The following BCAR3 variants were observed in gnomAD, a reference collection of about 807,000 sequenced individuals.
BCAR3 encodes the protein breast cancer anti-estrogen resistance protein 3.
A neutral mutation model predicts 80.1 loss-of-function variants in BCAR3; 37 were observed. The observed-to-expected ratio is 0.46, with a 90% confidence interval of 0.36 to 0.61. BCAR3 has a LOEUF of 0.61. BCAR3 is among the 20% of genes least tolerant of loss of function. The pLI is 0.00. For missense variants in BCAR3, 978 were observed against 1,068.2 expected (o/e 0.92, Z 1.18); for synonymous variants, 389 against 418.9 (o/e 0.93, Z 0.87).
chr1:93,683,761 G>A (rs1648882623), upstream of BCAR3, among the ~76,000 whole-genome samples: 1 of 152,234 alleles, frequency 6.6e-6, no homozygotes, highest in Non-Finnish European at 1.5e-5. Context: ...AGTGAAGACA[G>A]TGGTTATATT....
chr1:93,750,569 G>A (rs1651524558), intron 2 of BCAR3, among the ~76,000 whole-genome samples: 3 of 152,194 alleles, frequency 2.0e-5, no homozygotes. Context: ...CCAACAGAAT[G>A]CCACAACTTT....
At chr1:93,695,583 C>T (rs1649360072) in intron 3 of BCAR3, among the ~76,000 whole-genome samples, 1 of 152,218 alleles carries the variant, frequency 6.6e-6, no homozygotes, top group South Asian at 2.1e-4. Context: ...TTAAGCTGCT[C>T]AAGTTTCCCT....
chr1:93,589,389 C>T lies in BCAR3; in HGVS notation c.517G>A (p.Asp173Asn). The part of the protein sequence containing the change: ...VSENLVQRDG[D>N]FLVRDSLSSP... ...GACAGAGAGTCACGAACTAGGAAGT[C>T]ACCATCTCGCTGCACAAGGTTTTCA... Residue 173 changes from aspartate (D) to asparagine (N), a missense_variant, in exon 5 of 12, where the codon GAC (aspartate) becomes AAC (asparagine). By Grantham distance (23) the Asp-to-Asn change is conservative. Coordinates refer to ENST00000260502, the MANE Select transcript of BCAR3 (RefSeq NM_003567.4). The T allele has an allele frequency of 2.5e-6, 4 of 1,613,002 alleles. No homozygotes were observed. The highest frequency in any genetic ancestry group is 3.4e-6 in the Non-Finnish European group (4 of 1,179,938).
intron 2 of BCAR3, among the ~76,000 whole-genome samples, chr1:93,764,062 T>C (rs545358765): frequency 1.3e-5 from 2 of 152,204 alleles, no homozygotes; most frequent in Non-Finnish European, 2.9e-5. Flanking sequence ...CCCACATTTA[T>C]TTCTTGTCCA....
intron 5 of BCAR3, 68 bp from the exon 6 acceptor site, chr1:93,584,189 C>T: frequency 7.2e-7 from 1 of 1,397,124 alleles, no homozygotes; most frequent in South Asian, 1.3e-5. Flanking sequence ...TAGGCAATGC[C>T]ATGGGAACTT....
rs945805957 is a variant in BCAR3 at position 93,669,008 on chromosome 1, C to T, written c.317+5606G>A. Among the ~76,000 whole-genome samples, 16 of 152,202 alleles carry T rather than the reference C, an allele frequency of 1.1e-4. No homozygotes were observed. In the South Asian group the frequency reaches 2.1e-3, roughly 20 times the overall value. On this transcript the variant is annotated intron_variant, in intron 2 of 11. Coordinates refer to ENST00000260502, the MANE Select transcript of BCAR3 (RefSeq NM_003567.4). The stretch of plus-strand genomic sequence containing the variant: ...AATACAGGCAATGAGCCACCGCACC[C>T]GGCCCAAGATTTTTTTTTTTAACTC...
intron 3 of BCAR3, among the ~76,000 whole-genome samples, chr1:93,704,973 T>A (rs1433199330): frequency 6.6e-6 from 1 of 152,230 alleles, no homozygotes; most frequent in Non-Finnish European, 1.5e-5. Flanking sequence ...TCAGCATGCA[T>A]TTAGCTGCAG....
At chr1:93,827,428 G>A (rs1227540955) in intron 2 of BCAR3, among the ~76,000 whole-genome samples, 1 of 152,096 alleles carries the variant, frequency 6.6e-6, no homozygotes, top group Non-Finnish European at 1.5e-5. Flanking sequence ...ACTTTACATA[G>A]CAGGGGAGTC....
intron 2 of BCAR3, among the ~76,000 whole-genome samples, chr1:93,725,343 T>C (rs1465003817): frequency 2.0e-5 from 3 of 152,244 alleles, no homozygotes; most frequent in Non-Finnish European, 4.4e-5. Flanking sequence ...ACATAGGGAC[T>C]GTGAGGGCCT....
intron 2 of BCAR3, chr1:93,723,499 C>CTT (rs1650476925): frequency 6.6e-6 from 1 of 152,456 alleles, no homozygotes; most frequent in African/African-American, 2.4e-5. Context: ...CTCCAGGGTC[C>CTT]TCAGGCCCAG....
At chr1:93,680,846 C>T (rs970131596) in intron 1 of BCAR3, among the ~76,000 whole-genome samples, 2 of 152,162 alleles carry the variant, frequency 1.3e-5, no homozygotes, top group Non-Finnish European at 2.9e-5. Flanking sequence ...AGTGTCTACA[C>T]CTGATTACAC....
At chr1:93,779,693 G>A (rs901753788) in intron 2 of BCAR3, among the ~76,000 whole-genome samples, 1 of 152,184 alleles carries the variant, frequency 6.6e-6, no homozygotes, top group Non-Finnish European at 1.5e-5. Context: ...TGCTTAGTGC[G>A]TAAGTTGTTC....
Position 93,589,379 on chromosome 1 carries a change from A to T in BCAR3, c.527T>A (p.Val176Asp), listed in dbSNP as rs999870732. The change falls in exon 5 of 12, where the codon GTT becomes GAT. Residue 176 changes from valine (V) to aspartate (D), a missense_variant. Transcript: ENST00000260502. ...NLVQRDGDFL[V>D]RDSLSSPGNF... is the part of the protein sequence containing the mutation. ...CCCAGGGCTGGACAGAGAGTCACGA[A>T]CTAGGAAGTCACCATCTCGCTGCAC... The T allele has an allele frequency of 6.2e-7, 1 of 1,613,782 alleles. No individual in the cohort carries two copies. The highest frequency in any genetic ancestry group is 1.7e-5 in the Admixed American group (1 of 60,030).
chr1:93,833,693 A>G (rs971206863), intron 2 of BCAR3, among the ~76,000 whole-genome samples: 1 of 152,190 alleles, frequency 6.6e-6, no homozygotes, highest in Non-Finnish European at 1.5e-5. Flanking sequence ...ACAGGCAGTC[A>G]GACTTCATGG....
chr1:93,572,450 G>A (rs895846162), intron 8 of BCAR3, among the ~76,000 whole-genome samples: 1 of 152,246 alleles, frequency 6.6e-6, no homozygotes, highest in Non-Finnish European at 1.5e-5. Context: ...GAATGTGCCT[G>A]TAAGGCCAGA....
At chr1:93,713,572 C>G (rs772058209) in intron 2 of BCAR3, among the ~76,000 whole-genome samples, 5 of 152,154 alleles carry the variant, frequency 3.3e-5, no homozygotes, top group Non-Finnish European at 5.9e-5. Flanking sequence ...CTTACTGAAG[C>G]AAGAGTTCCT....
chr1:93,819,892 C>T lies in BCAR3; in HGVS notation c.-63+25675G>A, dbSNP rs1654156273. 2.6e-5 allele frequency among the ~76,000 whole-genome samples: 4 copies of T among 152,242 alleles called. No individual in the cohort carries two copies. The South Asian group carries it at 8.3e-4, about 32-fold the overall frequency. ...GGTAATGGGCATCATACCTGATAGA[C>T]AGTTTTCTGATTCTCACCCTCCTCC... On this transcript the variant is annotated intron_variant, in intron 2 of 13. Transcript: ENST00000370244.
intron 2 of BCAR3, among the ~76,000 whole-genome samples, chr1:93,770,613 A>G (rs1247860962): frequency 1.3e-5 from 2 of 152,184 alleles, no homozygotes; most frequent in African/African-American, 4.8e-5. Flanking sequence ...CCCCATGAAC[A>G]TACAGAGGGG....
At chr1:93,762,618 C>T (rs1203425372) in intron 2 of BCAR3, among the ~76,000 whole-genome samples, 1 of 152,192 alleles carries the variant, frequency 6.6e-6, no homozygotes, top group Non-Finnish European at 1.5e-5. Flanking sequence ...GAAATGACAC[C>T]CTTCACCCCG....
Sources: allele counts gnomAD v4.1 joint callset (sites outside exome capture counted in the v4.1 genomes callset), GRCh38; gene constraint gnomAD v4.1.1; transcripts MANE v1.5; gene names NCBI Gene and HGNC (gene_info 2026-07-23, HGNC 2026-07-21).